The following ADAMTS18 variants were observed in gnomAD, a reference collection of about 807,000 sequenced individuals.
ADAMTS18 encodes the protein ADAM metallopeptidase with thrombospondin type 1 motif 18.
In ADAMTS18, 157 loss-of-function variants were observed where a neutral mutation model predicts 165.9. The ratio of observed to expected loss-of-function variants is 0.95; its 90% CI spans 0.83 to 1.08. The LOEUF (loss-of-function observed/expected upper bound fraction) is 1.08. ADAMTS18 is among the 50% of genes least tolerant of loss of function. ADAMTS18 has a pLI of 0.00. For synonymous variants in ADAMTS18, 782 were observed against 578.2 expected, an observed-to-expected ratio of 1.35 and a Z score of -5.06; for missense variants, 2,040 against 1,534.0, an observed-to-expected ratio of 1.33 and a Z score of -5.51.
chr16:77,319,178 T>C (rs985274945), intron 16 of ADAMTS18, among the ~76,000 whole-genome samples: 2 of 152,132 alleles, frequency 1.3e-5, no homozygotes, highest in Non-Finnish European at 2.9e-5. Flanking sequence ...TAACCCCTTC[T>C]CCTAGGCCAG....
intron 16 of ADAMTS18, among the ~76,000 whole-genome samples, chr16:77,316,097 C>A (rs2055881667): frequency 6.6e-6 from 1 of 152,168 alleles, no homozygotes; most frequent in South Asian, 2.1e-4. Context: ...TTCCAGTTCT[C>A]TACCATAATA....
intron 3 of ADAMTS18, among the ~76,000 whole-genome samples, chr16:77,384,412 T>C (rs1227498653): frequency 6.6e-6 from 1 of 152,062 alleles, no homozygotes; most frequent in Non-Finnish European, 1.5e-5. Context: ...CAAAGCAGAG[T>C]TGATGTTGTA....
intron 12 of ADAMTS18, among the ~76,000 whole-genome samples, chr16:77,333,971 GTGTCATATA>G (rs1209231013): frequency 3.8e-4 from 52 of 137,378 alleles, no homozygotes; most frequent in African/African-American, 1.4e-3. Context: ...ATATAATATA[GTGTCATATA>G]TGCTATATAT....
Position 77,300,394 on chromosome 16 carries a change from T to G in ADAMTS18, c.2543A>C (p.Gln848Pro), listed in dbSNP as rs2055560030. The part of the protein sequence containing the change: ...NETLVFEILM[Q>P]GKNPGIAWKY... ...CCAAGCTATCCCTGGATTTTTGCCTTGCATCAGAATCTGGACAGTGTAAGA... is the reference window on the plus strand; with the variant it reads ...CCAAGCTATCCCTGGATTTTTGCCTGGCATCAGAATCTGGACAGTGTAAGA... Residue 848 changes from glutamine (Q) to proline (P), a missense_variant, in exon 17 of 23, where the codon CAA (glutamine) becomes CCA (proline). By Grantham distance (76) the Gln-to-Pro change is moderately conservative. Coordinates refer to ENST00000282849, the MANE Select transcript of ADAMTS18 (RefSeq NM_199355.4). 6.2e-7 allele frequency: 1 copy of G among 1,613,950 alleles called. No homozygotes were observed. The highest frequency in any genetic ancestry group is 8.5e-7 in the Non-Finnish European group (1 of 1,179,982).
At chr16:77,423,363 G>A (rs969381310) in intron 3 of ADAMTS18, among the ~76,000 whole-genome samples, 1 of 152,138 alleles carries the variant, frequency 6.6e-6, no homozygotes, top group Non-Finnish European at 1.5e-5. Flanking sequence ...CCTCTGCAGA[G>A]GAAGGTCTGC....
At chr16:77,428,002 G>T (rs2057694804) in intron 3 of ADAMTS18, among the ~76,000 whole-genome samples, 1 of 152,132 alleles carries the variant, frequency 6.6e-6, no homozygotes, top group Non-Finnish European at 1.5e-5. Flanking sequence ...ACAAGATAAT[G>T]GTAGATTCCT....
intron 3 of ADAMTS18, among the ~76,000 whole-genome samples, chr16:77,425,907 G>T (rs895597010): frequency 6.6e-5 from 10 of 152,084 alleles, no homozygotes; most frequent in Non-Finnish European, 1.0e-4. Flanking sequence ...TTAGCCAGGC[G>T]TGGTGGTGGA....
At chr16:77,407,934 A>G (rs115297330) in intron 3 of ADAMTS18, among the ~76,000 whole-genome samples, 2,465 of 152,230 alleles carry the variant, frequency 0.016, 69 homozygotes, top group African/African-American at 0.057. Flanking sequence ...TAAAATTTAA[A>G]AAGTGATTCA....
chr16:77,285,526 A>C (rs1307337513), intron 22 of ADAMTS18, among the ~76,000 whole-genome samples: 1 of 151,058 alleles, frequency 6.6e-6, no homozygotes, highest in Non-Finnish European at 1.5e-5. Flanking sequence ...TAGAGTATAC[A>C]CTACACATAA....
chr16:77,341,300 C>G (rs2914511), intron 11 of ADAMTS18, among the ~76,000 whole-genome samples: 132,278 of 152,084 alleles, frequency 0.87, 57,847 homozygotes, highest in African/African-American at 0.95. Flanking sequence ...TCAATGACAG[C>G]TCCTGTGAGT....
At chr16:77,357,655 A>C (rs945742696) in intron 8 of ADAMTS18, among the ~76,000 whole-genome samples, 3 of 152,224 alleles carry the variant, frequency 2.0e-5, no homozygotes, top group Non-Finnish European at 4.4e-5. Context: ...TATGTGCGTA[A>C]GAAAATCAAG....
At chr16:77,302,828 C>G (rs145296192) in intron 16 of ADAMTS18, among the ~76,000 whole-genome samples, 99 of 152,232 alleles carry the variant, frequency 6.5e-4, no homozygotes, top group Non-Finnish European at 9.9e-4. Flanking sequence ...CCTGTGGTTT[C>G]ACTGCAAAAC....
intron 3 of ADAMTS18, among the ~76,000 whole-genome samples, chr16:77,415,725 C>CAAAAAAA (rs71137817): frequency 0.18 from 18,167 of 100,716 alleles, 2,163 homozygotes; most frequent in Middle Eastern, 0.3. Context: ...GCTGGGTAGG[C>CAAAAAAA]AAAAAAAAAA....
Position 77,356,001 on chromosome 16 carries a change from C to T in ADAMTS18, c.1399G>A (p.Gly467Arg), listed in dbSNP as rs755343156. 3.7e-6 allele frequency: 6 copies of T among 1,614,048 alleles called. No individual in the cohort carries two copies. The highest frequency in any genetic ancestry group is 2.2e-5 in the East Asian group (1 of 44,866). The change falls in exon 9 of 23, where the codon GGA becomes AGA. Residue 467 changes from glycine to arginine, a missense_variant. Coordinates refer to ENST00000282849, the MANE Select transcript of ADAMTS18 (RefSeq NM_199355.4). ...GACCATGAAAACACTCCATTGTTTC[C>T]GGTCAGTGTGGGAGACATGATATTG... is the stretch of plus-strand genomic sequence containing the variant. ...EGNIMSPTLT[G>R]NNGVFSWSSC...
intron 18 of ADAMTS18, among the ~76,000 whole-genome samples, chr16:77,296,707 CT>C (rs1385828433): frequency 6.6e-6 from 1 of 152,110 alleles, no homozygotes; most frequent in African/African-American, 2.4e-5. Context: ...GTAATCCCAG[CT>C]ACTAAGGTGG....
rs190869684 is a variant in ADAMTS18 at position 77,372,491 on chromosome 16, A to G, written c.496-4768T>C. 2.4e-3 allele frequency among the ~76,000 whole-genome samples: 359 copies of G among 152,358 alleles called. 1 individual carries two copies. The highest frequency in any genetic ancestry group is 8.4e-3 in the African/African-American group (348 of 41,576). The stretch of plus-strand genomic sequence containing the variant: ...GGATAGTCATCTCAGGAGCTGTGGC[A>G]TCGACATGATGTGTAGAGCCTGAAA... On this transcript the variant is annotated intron_variant, in intron 3 of 22. Transcript: ENST00000282849.
chr16:77,392,182 C>T (rs929769391), intron 3 of ADAMTS18, among the ~76,000 whole-genome samples: 2 of 152,176 alleles, frequency 1.3e-5, no homozygotes, highest in Non-Finnish European at 2.9e-5. Context: ...CTGCTCCAAA[C>T]CCTTGGCTGG....
chr16:77,355,963 G>A lies in ADAMTS18; in HGVS notation c.1437C>T (p.Arg479=), dbSNP rs143229689. 10 of 1,613,934 alleles carry A rather than the reference G, an allele frequency of 6.2e-6. No homozygotes were observed. The African/African-American group carries it at 1.3e-4, about 22-fold the overall frequency. The part of the protein sequence containing the change: ...NGVFSWSSCS[R]QYLKKFLSTP... ...ACCTGAGGAATTTCTTGAGATACTG[G>A]CGGCTGCAGGAAGACCATGAAAACA... The change falls in exon 9 of 23, where the codon CGC becomes CGT. Residue 479 remains arginine, a synonymous_variant. Coordinates refer to ENST00000282849, the MANE Select transcript of ADAMTS18 (RefSeq NM_199355.4).
chr16:77,322,306 A>G, intron 14 of ADAMTS18, 30 bp downstream of exon 14: 1 of 1,613,352 alleles, frequency 6.2e-7, no homozygotes, highest in Non-Finnish European at 8.5e-7. Flanking sequence ...AAGCATGCTC[A>G]TACACTCCAA....
Sources: allele counts gnomAD v4.1 joint callset (sites outside exome capture counted in the v4.1 genomes callset), GRCh38; gene constraint gnomAD v4.1.1; transcripts MANE v1.5; gene names NCBI Gene and HGNC (gene_info 2026-07-23, HGNC 2026-07-21).